The following DLGAP4 variants were observed in gnomAD, a reference collection of about 807,000 sequenced individuals.
DLGAP4 encodes the protein disks large-associated protein 4.
Under a neutral mutation model 86.9 loss-of-function variants are expected in DLGAP4, and 18 were observed. That is an observed-to-expected ratio of 0.21 (90% CI 0.14 to 0.31). The LOEUF is 0.31. Ranked by LOEUF, DLGAP4 falls within the 10% of genes least tolerant of loss-of-function variation. The probability of loss-of-function intolerance (pLI) is 1.00; values close to 1 mark genes in which losing one functional copy is unlikely to be tolerated. For synonymous variants in DLGAP4, 548 were observed against 574.3 expected, an observed-to-expected ratio of 0.95 and a Z score of 0.65; for missense variants, 1,085 against 1,362.6, an observed-to-expected ratio of 0.80 and a Z score of 3.21.
intron 2 of DLGAP4, among the ~76,000 whole-genome samples, chr20:36,400,821 G>A (rs576123970): frequency 6.6e-6 from 1 of 152,074 alleles, no homozygotes; most frequent in Non-Finnish European, 1.5e-5. Flanking sequence ...AGTGAAGGAG[G>A]GGGTGGCTGT....
chr20:36,486,947 G>T (rs534159689), intron 7 of DLGAP4, among the ~76,000 whole-genome samples: 1 of 152,282 alleles, frequency 6.6e-6, no homozygotes, highest in South Asian at 2.1e-4. Context: ...TCAGAAAAGG[G>T]GAGAAGCAAT....
At chr20:36,502,253 T>G (rs866168323) in intron 10 of DLGAP4, among the ~76,000 whole-genome samples, 4 of 152,182 alleles carry the variant, frequency 2.6e-5, no homozygotes, top group African/African-American at 9.6e-5. Flanking sequence ...TAACAGTATA[T>G]TATTATTGCG....
intron 4 of DLGAP4, among the ~76,000 whole-genome samples, chr20:36,439,401 T>C (rs2033380128): frequency 6.6e-6 from 1 of 152,088 alleles, no homozygotes; most frequent in African/African-American, 2.4e-5. Context: ...GTAAGAAAGA[T>C]TGAAGGGCTG....
chr20:36,446,926 G>A lies in DLGAP4; in HGVS notation c.1637G>A (p.Arg546His), dbSNP rs748450222. Residue 546 changes from arginine to histidine, a missense_variant, in exon 7 of 13, where the codon CGC becomes CAC. This residue lies in a region of DLGAP4 where 1,082 missense variants were observed against 1,344.1 expected (regional missense o/e 0.81). Transcript: ENST00000339266. ...AGTACCGGCAGCCTCAGCAATAGTC[G>A]CACGCTTCCGAGTGAGTACTGTGAT... ...PPSTGSLSNS[R>H]TLPSSSCLVA... 32 of 1,609,402 alleles carry A rather than the reference G, an allele frequency of 2.0e-5. No homozygotes were observed. The highest frequency in any genetic ancestry group is 2.5e-5 in the Non-Finnish European group (29 of 1,177,018).
chr20:36,341,018 G>T (rs370418345), intron 1 of DLGAP4, among the ~76,000 whole-genome samples: 1 of 152,196 alleles, frequency 6.6e-6, no homozygotes, highest in South Asian at 2.1e-4. Flanking sequence ...TGCTCCAGGC[G>T]GTAGCTCTGA....
intron 2 of DLGAP4, among the ~76,000 whole-genome samples, chr20:36,380,246 CAA>C (rs869027808): frequency 1.2e-4 from 15 of 124,454 alleles, no homozygotes; most frequent in East Asian, 2.3e-4. Context: ...ACAAAAAATA[CAA>C]AAAAAAAAAA....
rs192489219 is a variant in DLGAP4, at chr20:36,446,779, C to T, written c.1490C>T (p.Thr497Met). 2.1e-4 allele frequency: 339 copies of T among 1,612,822 alleles called. No homozygotes were observed. In the Middle Eastern group the frequency reaches 6.1e-3, roughly 29 times the overall value. Reference sequence around the variant, plus strand: ...GAAGCGGAGTCCACAGCGGCAGAGACGCTTGACTTGCCACTGCCCAGCTAC... The same window carrying T: ...GAAGCGGAGTCCACAGCGGCAGAGATGCTTGACTTGCCACTGCCCAGCTAC... ...CSEAESTAAE[T>M]LDLPLPSYFR... Residue 497 changes from threonine (T) to methionine (M), a missense_variant, in exon 7 of 13, where the codon ACG becomes ATG. Thr to Met is a moderately conservative substitution (Grantham distance 81, BLOSUM62 -1). Coordinates refer to ENST00000339266, the MANE Select transcript of DLGAP4 (RefSeq NM_001365621.2).
At chr20:36,388,139 A>C (rs2147459496) in intron 2 of DLGAP4, among the ~76,000 whole-genome samples, 1 of 152,338 alleles carries the variant, frequency 6.6e-6, no homozygotes, top group Non-Finnish European at 1.5e-5. Context: ...GAACTGCCAC[A>C]GATAGCTGTA....
intron 7 of DLGAP4, among the ~76,000 whole-genome samples, chr20:36,448,651 G>C (rs2147583247): frequency 6.6e-6 from 1 of 152,184 alleles, no homozygotes; most frequent in South Asian, 2.1e-4. Flanking sequence ...AAACAATTGG[G>C]GGCTGGGCAT....
chr20:36,481,701 G>A (rs866849841), intron 7 of DLGAP4, among the ~76,000 whole-genome samples: 18 of 152,326 alleles, frequency 1.2e-4, no homozygotes, highest in Middle Eastern at 3.4e-3. Context: ...GCATTTGCTG[G>A]AATGGGGTGG....
chr20:36,478,199 G>A (rs770396811), intron 7 of DLGAP4, among the ~76,000 whole-genome samples: 23 of 152,206 alleles, frequency 1.5e-4, no homozygotes, highest in Middle Eastern at 3.4e-3. Flanking sequence ...CCTCCTACTG[G>A]ACCCATGGCA....
intron 2 of DLGAP4, among the ~76,000 whole-genome samples, chr20:36,427,971 A>T (rs1016954566): frequency 6.6e-6 from 1 of 152,304 alleles, no homozygotes; most frequent in South Asian, 2.1e-4. Flanking sequence ...AAGGGAAAAA[A>T]AACTGGAAAA....
At chr20:36,470,790 T>C (rs2034628200) in intron 7 of DLGAP4, among the ~76,000 whole-genome samples, 1 of 152,222 alleles carries the variant, frequency 6.6e-6, no homozygotes, top group African/African-American at 2.4e-5. Context: ...CAGGTTATTC[T>C]TGGTGGGCAC....
chr20:36,488,413 A>T (rs2035513783), intron 7 of DLGAP4, among the ~76,000 whole-genome samples: 1 of 152,096 alleles, frequency 6.6e-6, no homozygotes, highest in Non-Finnish European at 1.5e-5. Context: ...GCTAAAGGAT[A>T]GCTAAAGTAG....
Position 36,423,237 on chromosome 20 carries a change from G to A in DLGAP4, c.-72-8409G>A, listed in dbSNP as rs1051812405. Among the ~76,000 whole-genome samples the A allele has an allele frequency of 2.6e-5, 4 of 152,054 alleles. No individual in the cohort carries two copies. In the South Asian group the frequency reaches 6.2e-4, roughly 24 times the overall value. ...AGCATTTTGGGAGGCTGAGGCGGGC[G>A]GATCACTTGAGCTCAGGAGTTCGAG... is the stretch of plus-strand genomic sequence containing the variant. On this transcript the variant is annotated intron_variant, in intron 2 of 12. Transcript: ENST00000339266.
intron 7 of DLGAP4, among the ~76,000 whole-genome samples, chr20:36,474,823 A>G (rs1204242038): frequency 1.3e-5 from 2 of 152,200 alleles, no homozygotes; most frequent in Admixed American, 6.5e-5. Context: ...ACAATCAGCC[A>G]TTCATTTACT....
chr20:36,403,532 C>T (rs558776314), intron 2 of DLGAP4, among the ~76,000 whole-genome samples: 1 of 152,328 alleles, frequency 6.6e-6, no homozygotes, highest in East Asian at 1.9e-4. Flanking sequence ...GAAGAAACCT[C>T]AAGGAGACCG....
At chr20:36,499,365 ACC>A in intron 8 of DLGAP4, 1 of 938,124 alleles carries the variant, frequency 1.1e-6, no homozygotes, top group Non-Finnish European at 1.3e-6. Flanking sequence ...CCTCCCGCCC[ACC>A]TGCCCGCCCG....
intron 2 of DLGAP4, among the ~76,000 whole-genome samples, chr20:36,367,500 G>GGA (rs1232297917): frequency 6.6e-6 from 1 of 152,232 alleles, no homozygotes; most frequent in Non-Finnish European, 1.5e-5. Context: ...TTCCAGAGGA[G>GGA]TCAGCCTCAG....
Sources: gnomAD v4.1 joint callset for allele counts (sites outside exome capture counted in the v4.1 genomes callset) on GRCh38, gnomAD v4.1.1 for gene constraint, gnomAD v4.1.1 regional missense constraint, MANE v1.5 for transcripts, NCBI Gene and HGNC (gene_info 2026-07-23, HGNC 2026-07-21) for gene names.